DGKB: variants seen among roughly 807,000 people sequenced by gnomAD.
DGKB encodes the protein diacylglycerol kinase beta.
Under a neutral mutation model 114.3 loss-of-function variants are expected in DGKB, and 67 were observed. The ratio of observed to expected loss-of-function variants is 0.59; its 90% CI spans 0.48 to 0.72. The LOEUF is 0.72. Among genes scored for constraint, DGKB ranks in the 30% least tolerant of loss-of-function variants. DGKB has a pLI of 0.00. For synonymous variants in DGKB, 398 were observed against 323.1 expected (o/e 1.23, Z -2.49); for missense variants, 907 against 975.2 (o/e 0.93, Z 0.93).
chr7:14,585,663 AC>A (rs1266782413), intron 17 of DGKB, among the ~76,000 whole-genome samples: 3 of 152,212 alleles, frequency 2.0e-5, no homozygotes, highest in African/African-American at 7.2e-5. Context: ...TTTAGCAGAT[AC>A]TGCATTTTTT....
Position 14,270,818 on chromosome 7 carries a change from C to T in DGKB, c.2122+67697G>A, listed in dbSNP as rs368314147. 3.2e-4 allele frequency among the ~76,000 whole-genome samples: 49 copies of T among 151,942 alleles called. No individual in the cohort carries two copies. In the South Asian group the frequency reaches 5.2e-3, roughly 16 times the overall value. ...GTTGCTTAAGGAGATTTCCTGCCTT[C>T]GAAAGCTTTCTGTAGGGGGGTGGGG... On this transcript the variant is annotated intron_variant, in intron 23 of 25. Coordinates refer to ENST00000402815, the MANE Select transcript of DGKB (RefSeq NM_001350709.2).
intron 21 of DGKB, among the ~76,000 whole-genome samples, chr7:14,432,670 A>T (rs1583898140): frequency 6.6e-6 from 1 of 152,170 alleles, no homozygotes; most frequent in African/African-American, 2.4e-5. Flanking sequence ...GGATCCATCA[A>T]CCATAATCCC....
chr7:14,451,281 T>G (rs981224869), intron 21 of DGKB, among the ~76,000 whole-genome samples: 1 of 152,040 alleles, frequency 6.6e-6, no homozygotes, highest in African/African-American at 2.4e-5. Context: ...TCTAATGTGT[T>G]GAATGTCTAA....
At chr7:14,243,520 A>G (rs1466743253) in intron 23 of DGKB, among the ~76,000 whole-genome samples, 3 of 152,216 alleles carry the variant, frequency 2.0e-5, no homozygotes, top group Admixed American at 2.0e-4. Flanking sequence ...AATGTGTTGC[A>G]TCCACCTAAG....
At chr7:14,244,373 C>T (rs1256653785) in intron 23 of DGKB, among the ~76,000 whole-genome samples, 1 of 151,930 alleles carries the variant, frequency 6.6e-6, no homozygotes, top group Non-Finnish European at 1.5e-5. Flanking sequence ...GAAGAGGGTG[C>T]TGGCCGGGCG....
chr7:14,950,808 C>T (rs1786156343), intron 1 of DGKB, among the ~76,000 whole-genome samples: 4 of 151,540 alleles, frequency 2.6e-5, no homozygotes, highest in Admixed American at 2.6e-4. Context: ...TAGTATAGCC[C>T]AATATATTTT....
At chr7:14,484,006 AACTTAT>A (rs1783385445) in intron 20 of DGKB, among the ~76,000 whole-genome samples, 1 of 151,714 alleles carries the variant, frequency 6.6e-6, no homozygotes, top group African/African-American at 2.4e-5. Flanking sequence ...AGGCATGGGA[AACTTAT>A]ACTTCATCTG....
chr7:14,925,081 C>T (rs888848098), intron 1 of DGKB, among the ~76,000 whole-genome samples: 4 of 152,140 alleles, frequency 2.6e-5, no homozygotes, highest in Non-Finnish European at 1.5e-5. Flanking sequence ...TAGATTCACT[C>T]AAGTTTTTTA....
intron 20 of DGKB, among the ~76,000 whole-genome samples, chr7:14,484,754 T>C (rs747546103): frequency 2.0e-5 from 3 of 152,152 alleles, no homozygotes; most frequent in South Asian, 2.1e-4. Flanking sequence ...TTTAAGATTG[T>C]ATGTGCGATC....
rs1023513649 is a variant in DGKB at position 14,902,693 on chromosome 7, T to C, written c.-289A>G. The C allele has an allele frequency of 6.6e-6, 1 of 152,270 alleles. No individual in the cohort carries two copies. The highest frequency in any genetic ancestry group is 3.4e-3 in the Middle Eastern group (1 of 298). The allele number at this position is 152,270 out of a possible 1,614,324, so 9.4% of individuals were successfully genotyped here. ...AGCCAGTTCTCAGGATCCTTTCCAA[T>C]TCACACGCTCCCGGCACAGTAAGAA... On this transcript the variant is annotated 5_prime_UTR_variant, in exon 1 of 26. Coordinates refer to ENST00000402815, the MANE Select transcript of DGKB (RefSeq NM_001350709.2).
chr7:14,728,530 C>A (rs895387378), intron 5 of DGKB, among the ~76,000 whole-genome samples: 1 of 152,078 alleles, frequency 6.6e-6, no homozygotes, highest in Admixed American at 6.5e-5. Flanking sequence ...CCTTGCCAGG[C>A]CCTCTTTCCT....
chr7:14,301,196 A>G (rs1803483491), intron 23 of DGKB, among the ~76,000 whole-genome samples: 1 of 152,130 alleles, frequency 6.6e-6, no homozygotes, highest in Non-Finnish European at 1.5e-5. Context: ...CAAAGCCTAA[A>G]ATCTTGGGAT....
At chr7:14,499,693 T>C (rs920193382) in intron 20 of DGKB, among the ~76,000 whole-genome samples, 1 of 151,872 alleles carries the variant, frequency 6.6e-6, no homozygotes, top group African/African-American at 2.4e-5. Context: ...GGCAGAGCTA[T>C]GGCTCATGAT....
At chr7:14,786,487 C>T (rs1242557670) in intron 2 of DGKB, among the ~76,000 whole-genome samples, 2 of 152,214 alleles carry the variant, frequency 1.3e-5, no homozygotes, top group Non-Finnish European at 2.9e-5. Context: ...AGTGGGGAGG[C>T]ATGGCCAGGG....
intron 21 of DGKB, among the ~76,000 whole-genome samples, chr7:14,450,352 T>C (rs529441010): frequency 3.7e-4 from 57 of 152,086 alleles, no homozygotes; most frequent in Non-Finnish European, 7.1e-4. Flanking sequence ...GCGTTTTTCT[T>C]TGTATTTCCA....
At position 14,574,303 on chromosome 7, in the gene DGKB, C is replaced by A; in HGVS notation, c.1679G>T (p.Arg560Met). The change falls in exon 20 of 26, where the codon AGG (arginine) becomes ATG (methionine). Residue 560 changes from arginine (R) to methionine (M), a missense_variant. Arg to Met is a moderately conservative substitution (Grantham distance 91). This residue lies in a region of DGKB where 814 missense variants were observed against 856.6 expected (regional missense o/e 0.95). Transcript: ENST00000402815. ...IENSTEIMLD[R>M]WKFEVIPNDK... ...ATTAGGTATGACTTCAAACTTCCAC[C>A]TGTCCAACATGATTTCTGTGCTGTT... 6.2e-7 allele frequency: 1 copy of A among 1,613,336 alleles called. No individual in the cohort carries two copies. The highest frequency in any genetic ancestry group is 8.5e-7 in the Non-Finnish European group (1 of 1,179,546).
At chr7:14,526,991 T>C (rs1790752152) in intron 20 of DGKB, among the ~76,000 whole-genome samples, 1 of 152,126 alleles carries the variant, frequency 6.6e-6, no homozygotes, top group Admixed American at 6.6e-5. Flanking sequence ...TTATTTAGCT[T>C]TCAGGAACCT....
intron 3 of DGKB, among the ~76,000 whole-genome samples, chr7:14,754,898 A>G (rs1189738475): frequency 6.6e-6 from 1 of 152,122 alleles, no homozygotes; most frequent in Non-Finnish European, 1.5e-5. Flanking sequence ...ATCTAAGAGG[A>G]TGTTCCTCTC....
intron 21 of DGKB, among the ~76,000 whole-genome samples, chr7:14,467,255 A>G (rs944479994): frequency 2.0e-5 from 3 of 149,818 alleles, no homozygotes; most frequent in African/African-American, 7.3e-5. Context: ...TATATTATTT[A>G]TATAAAATTG....
Sources: allele counts gnomAD v4.1 joint callset (sites outside exome capture counted in the v4.1 genomes callset), GRCh38; gene constraint gnomAD v4.1.1; regional missense constraint gnomAD v4.1.1; transcripts MANE v1.5; gene names NCBI Gene and HGNC (gene_info 2026-07-23, HGNC 2026-07-21).